MAF: variants seen among roughly 807,000 people sequenced by gnomAD.
MAF encodes MAF bZIP transcription factor.
Under a neutral mutation model 22.0 loss-of-function variants are expected in MAF, and 10 were observed. The observed-to-expected ratio is 0.45, with a 90% CI of 0.28 to 0.77. The LOEUF (loss-of-function observed/expected upper bound fraction) is 0.77, where lower values mean the gene tolerates loss of function less well. Among genes scored for constraint, MAF ranks in the 30% least tolerant of loss-of-function variants. MAF has a pLI of 0.12. For missense variants in MAF, 544 were observed against 548.4 expected (o/e 0.99, Z 0.08); for synonymous variants, 337 against 255.8 (o/e 1.32, Z -3.03).
the MAF span, among the ~76,000 whole-genome samples, chr16:79,381,142 A>G: frequency 6.6e-6 from 1 of 151,978 alleles, no homozygotes; most frequent in Non-Finnish European, 1.5e-5. Context: ...CTAGAGATCA[A>G]TGATAAGTAG....
At chr16:79,545,163 A>G in the MAF span, among the ~76,000 whole-genome samples, 1 of 152,260 alleles carries the variant, frequency 6.6e-6, no homozygotes, top group Non-Finnish European at 1.5e-5. Context: ...TCTAAATTAT[A>G]TCCTTAAATA....
At chr16:79,341,438 T>C in the MAF span, among the ~76,000 whole-genome samples, 1 of 152,184 alleles carries the variant, frequency 6.6e-6, no homozygotes, top group South Asian at 2.1e-4. Flanking sequence ...ATGCATCTCT[T>C]CTCAACTCAC....
chr16:79,214,391 G>C, the MAF span, among the ~76,000 whole-genome samples: 1 of 152,114 alleles, frequency 6.6e-6, no homozygotes, highest in Admixed American at 6.5e-5. Flanking sequence ...TTCCATCATT[G>C]TGACAATGAT....
chr16:79,302,562 T>G, the MAF span, among the ~76,000 whole-genome samples: 41 of 152,348 alleles, frequency 2.7e-4, no homozygotes, highest in Middle Eastern at 0.01. Context: ...AGAAAACGCT[T>G]CTTCTTCCAA....
the MAF span, among the ~76,000 whole-genome samples, chr16:79,304,259 G>A: frequency 5.9e-5 from 9 of 152,250 alleles, no homozygotes; most frequent in South Asian, 1.0e-3. Flanking sequence ...GGGAAGCATC[G>A]CTCCCTCCCC....
At chr16:79,508,591 C>T in the MAF span, among the ~76,000 whole-genome samples, 4 of 152,204 alleles carry the variant, frequency 2.6e-5, no homozygotes, top group Admixed American at 2.0e-4. Context: ...CTGAATATGC[C>T]GTTTCCAGCC....
At chr16:79,312,167 A>G in the MAF span, among the ~76,000 whole-genome samples, 1 of 152,106 alleles carries the variant, frequency 6.6e-6, no homozygotes, top group African/African-American at 2.4e-5. Flanking sequence ...CTCACTTTTT[A>G]TACAAATTTA....
At chr16:79,449,013 C>T in the MAF span, among the ~76,000 whole-genome samples, 10 of 152,036 alleles carry the variant, frequency 6.6e-5, no homozygotes, top group South Asian at 2.1e-4. Context: ...CTGGGAACCC[C>T]GAGATTGTTT....
the MAF span, among the ~76,000 whole-genome samples, chr16:79,533,594 T>C: frequency 6.6e-6 from 1 of 152,084 alleles, no homozygotes; most frequent in African/African-American, 2.4e-5. Flanking sequence ...GATCCCCTCA[T>C]TGTCCATCTG....
the MAF span, among the ~76,000 whole-genome samples, chr16:79,399,741 C>G: frequency 2.6e-5 from 4 of 152,114 alleles, no homozygotes; most frequent in African/African-American, 9.7e-5. Context: ...CATGCACCTG[C>G]TGTCTTACCT....
At chr16:79,477,077 G>C in the MAF span, among the ~76,000 whole-genome samples, 5 of 152,156 alleles carry the variant, frequency 3.3e-5, no homozygotes, top group African/African-American at 9.7e-5. Context: ...GAACACTCCA[G>C]GGCAAGAGGG....
the MAF span, among the ~76,000 whole-genome samples, chr16:79,550,681 C>T: frequency 8.3e-3 from 1,256 of 152,194 alleles, 7 homozygotes; most frequent in South Asian, 0.013. Context: ...TCCATCTCAC[C>T]GCCTGTTATT....
the MAF span, among the ~76,000 whole-genome samples, chr16:79,290,275 C>T: frequency 1.9e-3 from 288 of 152,258 alleles, 1 homozygote; most frequent in African/African-American, 6.6e-3. Flanking sequence ...CCAACAACAC[C>T]GAGCTTTTAT....
chr16:79,250,445 C>G, the MAF span, among the ~76,000 whole-genome samples: 1 of 152,200 alleles, frequency 6.6e-6, no homozygotes, highest in Admixed American at 6.5e-5. Context: ...GCACTTGGCT[C>G]TTTAATTGCC....
the MAF span, among the ~76,000 whole-genome samples, chr16:79,479,096 G>A: frequency 2.7e-5 from 4 of 150,204 alleles, no homozygotes; most frequent in African/African-American, 7.4e-5. Context: ...TAGTGCACCC[G>A]TGCACCACCC....
chr16:79,217,083 T>C, the MAF span, among the ~76,000 whole-genome samples: 1 of 152,270 alleles, frequency 6.6e-6, no homozygotes. Flanking sequence ...GTGCTGGGAT[T>C]ACAGGCATGA....
At chr16:79,490,626 T>A in the MAF span, among the ~76,000 whole-genome samples, 18 of 12,462 alleles carry the variant, frequency 1.4e-3, no homozygotes, top group South Asian at 0.014. Flanking sequence ...ACACACACAC[T>A]CACACATGCA....
the MAF span, among the ~76,000 whole-genome samples, chr16:79,297,507 G>C: frequency 6.6e-6 from 1 of 152,146 alleles, no homozygotes; most frequent in Non-Finnish European, 1.5e-5. Flanking sequence ...ACCATATTTG[G>C]TAGTTGTGCT....
At chr16:79,343,349 A>G in the MAF span, among the ~76,000 whole-genome samples, 6 of 152,028 alleles carry the variant, frequency 3.9e-5, no homozygotes, top group African/African-American at 9.7e-5. Flanking sequence ...CTCTGACTTG[A>G]GCATCTAGAC....
Sources: allele counts gnomAD v4.1 joint callset (sites outside exome capture counted in the v4.1 genomes callset), GRCh38; gene constraint gnomAD v4.1.1; transcripts MANE v1.5; gene names NCBI Gene and HGNC (gene_info 2026-07-23, HGNC 2026-07-21).